GPC5: variants seen among roughly 807,000 people sequenced by gnomAD.
GPC5 encodes the protein glypican-5.
A neutral mutation model predicts 53.9 loss-of-function variants in GPC5; 47 were observed. The observed-to-expected ratio is 0.87, with a 90% CI of 0.69 to 1.11. GPC5 has a LOEUF of 1.11. GPC5 is among the 50% of genes most tolerant of loss of function. The probability of loss-of-function intolerance (pLI) is 0.00; values close to 1 mark genes in which losing one functional copy is unlikely to be tolerated. For missense variants in GPC5, 748 were observed against 713.1 expected, an observed-to-expected ratio of 1.05 and a Z score of -0.56; for synonymous variants, 286 against 263.3, an observed-to-expected ratio of 1.09 and a Z score of -0.84.
intron 7 of GPC5, among the ~76,000 whole-genome samples, chr13:92,413,903 A>G (rs564775904): frequency 6.6e-6 from 1 of 152,254 alleles, no homozygotes; most frequent in East Asian, 1.9e-4. Flanking sequence ...GTTTGTTATT[A>G]TGTGTGTTCT....
intron 7 of GPC5, among the ~76,000 whole-genome samples, chr13:92,803,986 A>G (rs1419266148): frequency 6.6e-6 from 1 of 152,006 alleles, no homozygotes; most frequent in Non-Finnish European, 1.5e-5. Flanking sequence ...GAGAAAATTA[A>G]GTTATGGTGT....
At position 92,796,957 on chromosome 13, in the gene GPC5, A is replaced by T. The variant is rs552972814; in HGVS notation, c.1562-69325A>T. Among the ~76,000 whole-genome samples, 284 of 152,064 alleles carry T rather than the reference A, an allele frequency of 1.9e-3. 1 individual carries two copies. The highest frequency in any genetic ancestry group is 6.8e-3 in the African/African-American group (281 of 41,534). ...TGCTTTACATAATTTTGTTTAATCA[A>T]CTGGCTTCTTCGAAAAGCACATGAA... is the stretch of plus-strand genomic sequence containing the variant. On this transcript the variant is annotated intron_variant, in intron 7 of 7. Transcript: ENST00000377067.
intron 6 of GPC5, among the ~76,000 whole-genome samples, chr13:91,988,180 A>G (rs2138729405): frequency 6.6e-6 from 1 of 151,940 alleles, no homozygotes; most frequent in East Asian, 1.9e-4. Flanking sequence ...TCACATTTCA[A>G]CCCAAGATCA....
chr13:92,460,965 C>G (rs1878454937), intron 7 of GPC5, among the ~76,000 whole-genome samples: 1 of 151,922 alleles, frequency 6.6e-6, no homozygotes, highest in Non-Finnish European at 1.5e-5. Flanking sequence ...AGCTGGGAAA[C>G]AAATCTGAGT....
intron 7 of GPC5, among the ~76,000 whole-genome samples, chr13:92,713,088 T>G (rs1013667443): frequency 6.6e-6 from 1 of 151,860 alleles, no homozygotes; most frequent in Non-Finnish European, 1.5e-5. Context: ...GGTGTCCTTA[T>G]AAGAAGAAAT....
chr13:91,926,826 A>C lies in GPC5; in HGVS notation c.1401+18769A>C, dbSNP rs182567657. ...TTCAGTATTGTTTTTGTTTGTTTGA[A>C]TGAGGCTTTGCATGGACACAGTACA... On this transcript the variant is annotated intron_variant, in intron 6 of 7. Coordinates refer to ENST00000377067, the MANE Select transcript of GPC5 (RefSeq NM_004466.6). Among the ~76,000 whole-genome samples, 642 of 152,288 alleles carry C rather than the reference A, an allele frequency of 4.2e-3. 5 individuals carry two copies. Among genetic ancestry groups the C allele is most frequent in the African/African-American group, 0.014 (598 of 41,544 alleles).
chr13:92,044,958 C>T (rs999278635), intron 6 of GPC5, among the ~76,000 whole-genome samples: 7 of 152,044 alleles, frequency 4.6e-5, no homozygotes, highest in Non-Finnish European at 8.8e-5. Flanking sequence ...TTAAGCACCC[C>T]ATCTTATTCT....
intron 7 of GPC5, among the ~76,000 whole-genome samples, chr13:92,606,280 C>G (rs1161398577): frequency 6.6e-6 from 1 of 152,084 alleles, no homozygotes; most frequent in Non-Finnish European, 1.5e-5. Flanking sequence ...ATGTTCCCCA[C>G]CCTTTGTCCA....
chr13:91,517,594 T>C (rs1885571973), intron 2 of GPC5, among the ~76,000 whole-genome samples: 1 of 152,222 alleles, frequency 6.6e-6, no homozygotes, highest in African/African-American at 2.4e-5. Context: ...TGTTTCAATT[T>C]CTACCTGTTA....
At chr13:92,196,809 G>T (rs200122228) in intron 7 of GPC5, among the ~76,000 whole-genome samples, 17 of 57,542 alleles carry the variant, frequency 3.0e-4, no homozygotes, top group African/African-American at 8.7e-4. Context: ...ATAAACAGGC[G>T]CAGACAGAAG....
At chr13:91,907,188 T>G (rs1456414504) in intron 5 of GPC5, among the ~76,000 whole-genome samples, 1 of 149,276 alleles carries the variant, frequency 6.7e-6, no homozygotes, top group Non-Finnish European at 1.5e-5. Flanking sequence ...TATTGATGTA[T>G]ACTGCCAAAT....
intron 5 of GPC5, among the ~76,000 whole-genome samples, chr13:91,781,488 C>T (rs2037798415): frequency 6.6e-6 from 1 of 152,110 alleles, no homozygotes; most frequent in Non-Finnish European, 1.5e-5. Context: ...AGTAAAAGAT[C>T]ATATGTGGAT....
rs528720486 is a variant in GPC5 at position 92,859,242 on chromosome 13, C to G, written c.1562-7040C>G. Among the ~76,000 whole-genome samples, 19 of 152,180 alleles carry G rather than the reference C, an allele frequency of 1.2e-4. No individual in the cohort carries two copies. In the South Asian group the frequency reaches 3.7e-3, roughly 30 times the overall value. On this transcript the variant is annotated intron_variant, in intron 7 of 7. Coordinates refer to ENST00000377067, the MANE Select transcript of GPC5 (RefSeq NM_004466.6). ...CCAGCATGGGCAACATAGAAAGACC[C>G]TATCTCTAAAAATAATAACAAAAAT...
intron 6 of GPC5, among the ~76,000 whole-genome samples, chr13:91,985,748 C>A (rs1268152503): frequency 6.6e-6 from 1 of 152,078 alleles, no homozygotes; most frequent in African/African-American, 2.4e-5. Flanking sequence ...GCCTTTTGTG[C>A]TATTTTGTCA....
At chr13:91,466,038 G>A (rs903490482) in intron 2 of GPC5, among the ~76,000 whole-genome samples, 1 of 152,126 alleles carries the variant, frequency 6.6e-6, no homozygotes, top group South Asian at 2.1e-4. Context: ...TCCCCCACCA[G>A]GTTACTTAAG....
chr13:92,165,732 T>C (rs531658441), intron 7 of GPC5, among the ~76,000 whole-genome samples: 112 of 152,376 alleles, frequency 7.4e-4, no homozygotes, highest in African/African-American at 2.5e-3. Flanking sequence ...CGTATCTAGC[T>C]TTTAAATAAT....
At chr13:92,829,503 T>C (rs951813722) in intron 7 of GPC5, among the ~76,000 whole-genome samples, 25 of 152,184 alleles carry the variant, frequency 1.6e-4, no homozygotes, top group African/African-American at 5.1e-4. Context: ...AATATTTGTT[T>C]AACCAGAGTG....
intron 7 of GPC5, among the ~76,000 whole-genome samples, chr13:92,643,709 A>G (rs1467520389): frequency 8.1e-5 from 12 of 147,376 alleles, no homozygotes; most frequent in Admixed American, 1.4e-4. Flanking sequence ...GGGGAATATC[A>G]CACTCTGGGG....
At chr13:91,665,534 G>A (rs972802943) in intron 2 of GPC5, among the ~76,000 whole-genome samples, 11 of 102,926 alleles carry the variant, frequency 1.1e-4, no homozygotes, top group South Asian at 3.1e-4. Context: ...ACGGAGTCTC[G>A]CTCTGTCGCC....
Sources: allele counts gnomAD v4.1 joint callset (sites outside exome capture counted in the v4.1 genomes callset), GRCh38; gene constraint gnomAD v4.1.1; transcripts MANE v1.5; gene names NCBI Gene and HGNC (gene_info 2026-07-23, HGNC 2026-07-21).